DNHD1: variants seen among roughly 807,000 people sequenced by gnomAD.
DNHD1 encodes dynein heavy chain domain-containing protein 1.
In DNHD1, 383 loss-of-function variants were observed where a neutral mutation model predicts 458.1. The observed-to-expected ratio is 0.84, with a 90% confidence interval of 0.77 to 0.91. The LOEUF is 0.91. DNHD1 is among the 40% of genes least tolerant of loss of function. The probability of loss-of-function intolerance (pLI) is 0.00; values close to 1 mark genes in which losing one functional copy is unlikely to be tolerated. For synonymous variants in DNHD1, 2,203 were observed against 2,376.9 expected, an observed-to-expected ratio of 0.93 and a Z score of 2.13; for missense variants, 5,336 against 5,866.1, an observed-to-expected ratio of 0.91 and a Z score of 2.95.
intron 7 of DNHD1, among the ~76,000 whole-genome samples, chr11:6,515,770 T>A (rs1199488755): frequency 6.7e-6 from 1 of 149,472 alleles, no homozygotes; most frequent in East Asian, 1.9e-4. Flanking sequence ...TCAAATATTC[T>A]ATAGACACAT....
chr11:6,537,531 A>G (rs371858345), intron 14 of DNHD1, among the ~76,000 whole-genome samples: 8 of 151,452 alleles, frequency 5.3e-5, no homozygotes, highest in African/African-American at 1.9e-4. Flanking sequence ...TAAGAAAGTG[A>G]TAAGTGATAG....
At position 6,558,032 on chromosome 11, in the gene DNHD1, T is replaced by C; in HGVS notation, c.8737T>C (p.Phe2913Leu). ...LASSICQAHF[F>L]HLPSGSEEAI... is the part of the protein sequence containing the mutation. ...TTCTAGCATTTGTCAGGCCCATTTC[T>C]TTCATCTACCATCTGGGTCAGAGGA... Residue 2913 changes from phenylalanine to leucine, a missense_variant, in exon 25 of 43, where the codon TTT becomes CTT. Transcript: ENST00000254579. 2 of 1,551,690 alleles carry C rather than the reference T, an allele frequency of 1.3e-6. No homozygotes were observed. The highest frequency in any genetic ancestry group is 2.4e-5 in the South Asian group (2 of 84,050).
chr11:6,553,621 T>C (rs900535528), intron 24 of DNHD1, among the ~76,000 whole-genome samples: 1 of 152,182 alleles, frequency 6.6e-6, no homozygotes, highest in African/African-American at 2.4e-5. Flanking sequence ...CATAAAAAAC[T>C]ACTACAATAA....
In DNHD1 at chr11:6,569,891, G is replaced by A. The variant is rs183074975; in HGVS notation, c.12864-118G>A. 4.0e-5 allele frequency: 30 copies of A among 742,306 alleles called. No individual in the cohort carries two copies. The East Asian group carries it at 7.5e-4, about 19-fold the overall frequency. The allele number at this position is 742,306 out of a possible 1,614,324, so 46.0% of individuals were successfully genotyped here. ...TCAGTTGAAAGCAAGTTGTATTTGA[G>A]GTGCCAAGTGGCAATGAACCCGAAG... On this transcript the variant is annotated intron_variant, in intron 39 of 42. Coordinates refer to ENST00000254579, the MANE Select transcript of DNHD1 (RefSeq NM_144666.3).
rs535913701 is a variant in DNHD1 at position 6,551,759 on chromosome 11, G to A, written c.7387+2826G>A. ...AGATGGAGACCATCCTGGCCAACAT[G>A]GTGAAACCCCGTCTCTACTAAAAAT... On this transcript the variant is annotated intron_variant, in intron 24 of 42. Transcript: ENST00000254579. 7.9e-5 allele frequency among the ~76,000 whole-genome samples: 12 copies of A among 152,292 alleles called. No individual in the cohort carries two copies. The East Asian group carries it at 1.9e-3, about 25-fold the overall frequency.
Position 6,566,751 on chromosome 11 carries a change from G to A in DNHD1, c.11371G>A (p.Val3791Met), listed in dbSNP as rs1383226067. The A allele has an allele frequency of 1.2e-6, 2 of 1,610,618 alleles. No homozygotes were observed. The highest frequency in any genetic ancestry group is 1.1e-5 in the South Asian group (1 of 90,292). Residue 3791 changes from valine (V) to methionine (M), a missense_variant, in exon 35 of 43, where the codon GTG becomes ATG. Val to Met is a conservative substitution (Grantham distance 21). This residue lies in a region of DNHD1 where 695 missense variants were observed against 804.2 expected (regional missense o/e 0.86). Coordinates refer to ENST00000254579, the MANE Select transcript of DNHD1 (RefSeq NM_144666.3). ...CAGAGCCCTAGATACCTGCAAGGCT[G>A]TGGAGGCTGCTGAGGTGCTTGGGGG... Reference protein sequence around the residue: ...KIRALDTCKAVEAAEERLLTM... With the variant: ...KIRALDTCKAMEAAEERLLTM...
chr11:6,504,833 T>C (rs1340140166), intron 4 of DNHD1, among the ~76,000 whole-genome samples: 1 of 152,130 alleles, frequency 6.6e-6, no homozygotes, highest in African/African-American at 2.4e-5. Context: ...AGAGTTCTTT[T>C]TGTTGTTGTT....
rs59300977 is a variant in DNHD1, at chr11:6,517,652, C to CTTTTTT, written c.1393-1919_1393-1914dup. ...ACAAATACTGTATGATCTAGGACTTCTTTTTTTTTTTTTTTTTTTTTTTTT... is the reference window on the plus strand; with the variant it reads ...ACAAATACTGTATGATCTAGGACTTCTTTTTTTTTTTTTTTTTTTTTTTTTTTTTTT... On this transcript the variant is annotated intron_variant, in intron 7 of 42. Coordinates refer to ENST00000254579, the MANE Select transcript of DNHD1 (RefSeq NM_144666.3). Among the ~76,000 whole-genome samples the CTTTTTT allele has an allele frequency of 1.2e-3, 72 of 59,066 alleles. 5 individuals are homozygous for CTTTTTT. Among genetic ancestry groups the CTTTTTT allele is most frequent in the Middle Eastern group, 0.02 (1 of 50 alleles). The allele number at this position is 59,066 out of a possible 152,430, so 38.7% of individuals were successfully genotyped here. A position where few individuals can be genotyped will look rare whatever the true frequency, so the allele number is the denominator to read the frequency against.
At position 6,546,468 on chromosome 11, in the gene DNHD1, A is replaced by G; in HGVS notation, c.5529A>G (p.Ala1843=). 3 of 1,550,810 alleles carry G rather than the reference A, an allele frequency of 1.9e-6. No individual in the cohort carries two copies. Among genetic ancestry groups the G allele is most frequent in the Non-Finnish European group, 2.6e-6 (3 of 1,146,994 alleles). The change falls in exon 21 of 43, where the codon GCA becomes GCG. Residue 1843 remains alanine (A), a synonymous_variant. Coordinates refer to ENST00000254579, the MANE Select transcript of DNHD1 (RefSeq NM_144666.3). ...TGGCAGAGCTGACTCTGCTGGGTGCAGGGATGAGGGATGCCTTCCAGATGG... is the reference window on the plus strand; with the variant it reads ...TGGCAGAGCTGACTCTGCTGGGTGCGGGGATGAGGGATGCCTTCCAGATGG... ...RQVAELTLLG[A]GMRDAFQMAT...
Position 6,546,136 on chromosome 11 carries a change from G to A in DNHD1, c.5197G>A (p.Gly1733Ser). The A allele has an allele frequency of 6.4e-7, 1 of 1,551,306 alleles. No homozygotes were observed. The highest frequency in any genetic ancestry group is 1.2e-5 in the South Asian group (1 of 84,036). The change falls in exon 21 of 43, where the codon GGT (glycine) becomes AGT (serine). Residue 1733 changes from glycine to serine, a missense_variant. By Grantham distance (56) the Gly-to-Ser change is moderately conservative. Around this residue, in one of 4 missense-constraint regions of DNHD1, gnomAD observed 3,932 missense variants for 4,365.6 expected, o/e 0.90. Coordinates refer to ENST00000254579, the MANE Select transcript of DNHD1 (RefSeq NM_144666.3). ...SNYLNGALQG[G>S]AWLLLEKVHQ... Reference sequence around the variant, plus strand: ...CTATCTGAATGGTGCCCTGCAGGGTGGTGCCTGGCTGCTGTTGGAGAAAGT... The same window carrying A: ...CTATCTGAATGGTGCCCTGCAGGGTAGTGCCTGGCTGCTGTTGGAGAAAGT...
At chr11:6,508,566 T>C in intron 4 of DNHD1, 1 of 254,136 alleles carries the variant, frequency 3.9e-6, no homozygotes, top group Non-Finnish European at 7.5e-6. Flanking sequence ...TTTCATAAGA[T>C]AATGCTGCAG....
In DNHD1 at chr11:6,565,753, T is replaced by C. The variant is rs934142512; in HGVS notation, c.10815T>C (p.Asp3605=). 2.6e-6 allele frequency: 4 copies of C among 1,550,618 alleles called. No homozygotes were observed. Among genetic ancestry groups the C allele is most frequent in the Non-Finnish European group, 2.6e-6 (3 of 1,146,900 alleles). ...GTAAAACGGACATGAAAGAGGAAGATGATGAGAGTGAAGAGAGTAATGAGG... is the reference window on the plus strand; with the variant it reads ...GTAAAACGGACATGAAAGAGGAAGACGATGAGAGTGAAGAGAGTAATGAGG... ...RESKTDMKEE[D]DESEESNEAE... is the part of the protein sequence containing the mutation. The change falls in exon 33 of 43, where the codon GAT becomes GAC. Residue 3605 remains aspartate, a synonymous_variant. Coordinates refer to ENST00000254579, the MANE Select transcript of DNHD1 (RefSeq NM_144666.3).
Position 6,535,067 on chromosome 11 carries a change from T to C in DNHD1, c.2998+894T>C, listed in dbSNP as rs1390360475. On this transcript the variant is annotated intron_variant, in intron 14 of 42. Transcript: ENST00000254579. ...TGGCCTTCCTTCCAGAATTCTTATA[T>C]GTATGTTGGATTTACTGAATCTCTC... Among the ~76,000 whole-genome samples, 3 of 152,194 alleles carry C rather than the reference T, an allele frequency of 2.0e-5. No homozygotes were observed. The East Asian group carries it at 5.8e-4, about 29-fold the overall frequency.
In DNHD1 at chr11:6,498,493, C is replaced by T. The variant is rs767230017; in HGVS notation, c.278C>T (p.Pro93Leu). 5.0e-6 allele frequency: 8 copies of T among 1,614,200 alleles called. No individual in the cohort carries two copies. The highest frequency in any genetic ancestry group is 2.2e-5 in the East Asian group (1 of 44,884). Residue 93 changes from proline to leucine, a missense_variant, in exon 3 of 43, where the codon CCA becomes CTA. Physicochemically the swap from Pro to Leu is moderately conservative, Grantham distance 98. This residue lies in a region of DNHD1 where 3,932 missense variants were observed against 4,365.6 expected (regional missense o/e 0.90). Transcript: ENST00000254579. Reference sequence around the variant, plus strand: ...CATGCAGTACTGGGTCTACTGCCTCCATATCGTGAGTTGCTAGTTGGCCAC... The same window carrying T: ...CATGCAGTACTGGGTCTACTGCCTCTATATCGTGAGTTGCTAGTTGGCCAC... Reference protein sequence around the residue: ...YLHAVLGLLPPYRELLVGHLD... With the variant: ...YLHAVLGLLPLYRELLVGHLD...
rs149712628 is a variant in DNHD1, at chr11:6,542,004, C to T, written c.3628+1921C>T. ...ATAGATGTTCCTTATTACCCAAATTCTTTATCCTTATCACCTCTTTATATC... is the reference window on the plus strand; with the variant it reads ...ATAGATGTTCCTTATTACCCAAATTTTTTATCCTTATCACCTCTTTATATC... On this transcript the variant is annotated intron_variant, in intron 18 of 42. Transcript: ENST00000254579. Among the ~76,000 whole-genome samples the T allele has an allele frequency of 1.5e-4, 23 of 152,274 alleles. No individual in the cohort carries two copies. The East Asian group carries it at 3.7e-3, about 24-fold the overall frequency.
rs760502919 is a variant in DNHD1 at position 6,567,171 on chromosome 11, G to A, written c.11662G>A (p.Ala3888Thr). The A allele has an allele frequency of 1.9e-6, 3 of 1,614,036 alleles. No homozygotes were observed. The South Asian group carries it at 3.3e-5, about 18-fold the overall frequency. Residue 3888 changes from alanine to threonine, a missense_variant, in exon 36 of 43, where the codon GCT becomes ACT. Transcript: ENST00000254579. Reference sequence around the variant, plus strand: ...GAACTGGCTGGCAGTCACTAAGCAGGCTCTGGACAGCATGAAGCCACGTGA... The same window carrying A: ...GAACTGGCTGGCAGTCACTAAGCAGACTCTGGACAGCATGAAGCCACGTGA... Reference protein sequence around the residue: ...PENWLAVTKQALDSMKPREIN... With the variant: ...PENWLAVTKQTLDSMKPREIN...
At chr11:6,539,432 G>T in intron 17 of DNHD1, 119 bp downstream of exon 17, 6 of 741,454 alleles carry the variant, frequency 8.1e-6, no homozygotes, top group Non-Finnish European at 1.1e-5. Flanking sequence ...CTGCTAACCT[G>T]CCTGAAGGGC....
rs776738000 is a variant in DNHD1 at position 6,505,555 on chromosome 11, G to A, written c.920+2629G>A. On this transcript the variant is annotated intron_variant, in intron 4 of 42. Coordinates refer to ENST00000254579, the MANE Select transcript of DNHD1 (RefSeq NM_144666.3). This position sits in a 1 kb window ranked among gnomAD's most constrained non-coding sequence, Gnocchi z 4.4. ...GGCGTGAGTCACCGCGCCTGGCCTCGACATCTTTTTAAAAACACATTCTCT... is the reference window on the plus strand; with the variant it reads ...GGCGTGAGTCACCGCGCCTGGCCTCAACATCTTTTTAAAAACACATTCTCT... Among the ~76,000 whole-genome samples the A allele has an allele frequency of 2.2e-4, 34 of 152,182 alleles. No individual in the cohort carries two copies. Among genetic ancestry groups the A allele is most frequent in the African/African-American group, 7.0e-4 (29 of 41,530 alleles).
At position 6,545,908 on chromosome 11, in the gene DNHD1, A is replaced by G; in HGVS notation, c.4969A>G (p.Arg1657Gly). ...FLYNYEYLGP[R>G]LGPLPSLLPE... ...GTACAATTACGAGTATCTGGGACCT[A>G]GACTAGGGCCTCTACCCAGCCTACT... The change falls in exon 21 of 43, where the codon AGA becomes GGA. Residue 1657 changes from arginine to glycine, a missense_variant. Arg to Gly is a moderately radical substitution (Grantham distance 125). Transcript: ENST00000254579. This position sits in a 1 kb window ranked among gnomAD's most constrained non-coding sequence, Gnocchi z 4.9. 1.9e-6 allele frequency: 3 copies of G among 1,551,794 alleles called. No homozygotes were observed. The South Asian group carries it at 3.6e-5, about 18-fold the overall frequency.
Sources: gnomAD v4.1 joint callset for allele counts (sites outside exome capture counted in the v4.1 genomes callset) on GRCh38, gnomAD v4.1.1 for gene constraint, gnomAD v4.1.1 regional missense constraint, Gnocchi (gnomAD v3.1) non-coding constraint, MANE v1.5 for transcripts, NCBI Gene and HGNC (gene_info 2026-07-23, HGNC 2026-07-21) for gene names.